The following GALNT18 variants were observed in gnomAD, a reference collection of about 807,000 sequenced individuals.
The protein encoded by GALNT18 is polypeptide N-acetylgalactosaminyltransferase 18.
GALNT18 carries 44 observed loss-of-function variants against 69.5 expected under a neutral mutation model. That is an observed-to-expected ratio of 0.63 (90% CI 0.50 to 0.81). The LOEUF (loss-of-function observed/expected upper bound fraction) is 0.81. Among genes scored for constraint, GALNT18 ranks in the 40% least tolerant of loss-of-function variants. The pLI is 0.00. For synonymous variants in GALNT18, 364 were observed against 318.2 expected, an observed-to-expected ratio of 1.14 and a Z score of -1.53; for missense variants, 715 against 810.0, an observed-to-expected ratio of 0.88 and a Z score of 1.42.
intron 6 of GALNT18, among the ~76,000 whole-genome samples, chr11:11,346,008 C>A (rs1347087043): frequency 6.6e-6 from 1 of 152,178 alleles, no homozygotes; most frequent in Non-Finnish European, 1.5e-5. Context: ...TAAGTTCTTT[C>A]TTCTCTCTGT....
At chr11:11,296,069 A>C (rs1849395756) in intron 9 of GALNT18, among the ~76,000 whole-genome samples, 1 of 152,208 alleles carries the variant, frequency 6.6e-6, no homozygotes, top group Non-Finnish European at 1.5e-5. Flanking sequence ...TTAAACAGCC[A>C]TAGAGTTAGA....
intron 1 of GALNT18, among the ~76,000 whole-genome samples, chr11:11,528,271 A>C (rs1452266471): frequency 6.6e-6 from 1 of 152,248 alleles, no homozygotes; most frequent in Non-Finnish European, 1.5e-5. Context: ...AGCACAGAGT[A>C]CTTAGGTAGA....
In GALNT18 at chr11:11,352,306, T is replaced by C. The variant is rs144109584; in HGVS notation, c.1093-11302A>G. ...CGCTTTCGAGAGTGTCTGCCCAAGA[T>C]ATCATTGAAACGTGGATCTAATTCA... On this transcript the variant is annotated intron_variant, in intron 6 of 10. Coordinates refer to ENST00000227756, the MANE Select transcript of GALNT18 (RefSeq NM_198516.3). The C allele has an allele frequency of 7.4e-5, 120 of 1,614,124 alleles. 1 individual carries two copies. The East Asian group carries it at 2.5e-3, about 33-fold the overall frequency.
intron 9 of GALNT18, among the ~76,000 whole-genome samples, chr11:11,300,417 C>T (rs141597822): frequency 0.011 from 1,737 of 152,238 alleles, 38 homozygotes; most frequent in African/African-American, 0.04. Context: ...GAGAAAACAA[C>T]GGAATTGGCC....
At chr11:11,294,621 A>C (rs1055338856) in intron 9 of GALNT18, among the ~76,000 whole-genome samples, 3 of 152,076 alleles carry the variant, frequency 2.0e-5, no homozygotes, top group East Asian at 1.9e-4. Flanking sequence ...AAAAAAAAAA[A>C]AAAACATAAA....
intron 3 of GALNT18, among the ~76,000 whole-genome samples, chr11:11,428,062 T>C (rs557330382): frequency 1.2e-4 from 19 of 152,368 alleles, no homozygotes; most frequent in African/African-American, 4.3e-4. Context: ...CATCACCCTC[T>C]TCCTTCCGTT....
At chr11:11,395,677 C>T (rs543336069) in intron 3 of GALNT18, among the ~76,000 whole-genome samples, 28 of 152,128 alleles carry the variant, frequency 1.8e-4, no homozygotes, top group East Asian at 1.9e-4. Flanking sequence ...CCCTGCAGAG[C>T]GGAGGTAATG....
rs1225550072 is a variant in GALNT18 at position 11,584,244 on chromosome 11, G to A, written c.235+37115C>T. ...CAGCAGCTGGGGACAGGAAGCTCGA[G>A]GATAGACACTGACCTATGCCAGGAA... is the stretch of plus-strand genomic sequence containing the variant. On this transcript the variant is annotated intron_variant, in intron 1 of 10. Coordinates refer to ENST00000227756, the MANE Select transcript of GALNT18 (RefSeq NM_198516.3). This position sits in a 1 kb window ranked among gnomAD's most constrained non-coding sequence, Gnocchi z 4.1. 6.6e-6 allele frequency among the ~76,000 whole-genome samples: 1 copy of A among 152,126 alleles called. No individual in the cohort carries two copies. The highest frequency in any genetic ancestry group is 2.4e-5 in the African/African-American group (1 of 41,418).
intron 6 of GALNT18, among the ~76,000 whole-genome samples, chr11:11,343,932 A>T (rs78740708): frequency 6.6e-6 from 1 of 151,918 alleles, no homozygotes; most frequent in Non-Finnish European, 1.5e-5. Context: ...CAGCACCTGA[A>T]TTCACTCCCC....
chr11:11,285,106 G>A (rs1849168159), intron 10 of GALNT18, among the ~76,000 whole-genome samples: 1 of 151,918 alleles, frequency 6.6e-6, no homozygotes, highest in Admixed American at 6.6e-5. Flanking sequence ...GTTTGCTGAG[G>A]AGGTAGGGAT....
intron 1 of GALNT18, among the ~76,000 whole-genome samples, chr11:11,609,618 G>A (rs957692559): frequency 1.3e-5 from 2 of 152,210 alleles, no homozygotes; most frequent in African/African-American, 4.8e-5. Context: ...CCAGGTCACT[G>A]TCAAACTTCC....
chr11:11,579,412 C>T (rs73413631), intron 1 of GALNT18, among the ~76,000 whole-genome samples: 7,187 of 152,212 alleles, frequency 0.047, 565 homozygotes, highest in African/African-American at 0.16. Context: ...TTTCAAATTC[C>T]GTCATTTAAT....
In GALNT18 at chr11:11,270,991, A is replaced by G. The variant is rs1848814495; in HGVS notation, c.*153T>C. The G allele has an allele frequency of 6.6e-6, 4 of 606,176 alleles. No individual in the cohort carries two copies. The highest frequency in any genetic ancestry group is 2.8e-6 in the Non-Finnish European group (1 of 362,258). The allele number at this position is 606,176 out of a possible 1,614,324, so 37.5% of individuals were successfully genotyped here. On this transcript the variant is annotated 3_prime_UTR_variant, in exon 11 of 11. Coordinates refer to ENST00000227756, the MANE Select transcript of GALNT18 (RefSeq NM_198516.3). ...CCTACCAATCAGCATCTTTCTATAA[A>G]CTCCATGAAAATTGAATAGGAAATA...
In GALNT18 at chr11:11,379,076, C is replaced by T. The variant is rs1483123344; in HGVS notation, c.779+5G>A. On this transcript the variant is annotated splice_donor_5th_base_variant and intron_variant, in intron 4 of 10. Transcript: ENST00000227756. ...ACTCCTCCTCCTCTCCCAAGGGGCA[C>T]TTACCAGCCCACATTGAACTCCACG... is the stretch of plus-strand genomic sequence containing the variant. The T allele has an allele frequency of 6.3e-7, 1 of 1,587,078 alleles. No homozygotes were observed.
chr11:11,441,360 T>C (rs1003307405), intron 2 of GALNT18, among the ~76,000 whole-genome samples: 1 of 152,176 alleles, frequency 6.6e-6, no homozygotes, highest in African/African-American at 2.4e-5. Flanking sequence ...CCCTTTGTCC[T>C]TAAGTTGCCT....
intron 9 of GALNT18, among the ~76,000 whole-genome samples, chr11:11,307,231 T>G (rs960621446): frequency 6.6e-6 from 1 of 152,182 alleles, no homozygotes; most frequent in African/African-American, 2.4e-5. Context: ...TATGGTAAAT[T>G]GTTCTGATAT....
In GALNT18 at chr11:11,451,773, C is replaced by A. The variant is rs376713889; in HGVS notation, c.236-2837G>T. Among the ~76,000 whole-genome samples the A allele has an allele frequency of 8.5e-5, 13 of 152,246 alleles. No individual in the cohort carries two copies. In the East Asian group the frequency reaches 2.1e-3, roughly 25 times the overall value. ...TCAAAATACATCAGTTAATAAGTAACCCATAGTGGTTAGACAAGATGAAAC... is the reference window on the plus strand; with the variant it reads ...TCAAAATACATCAGTTAATAAGTAAACCATAGTGGTTAGACAAGATGAAAC... On this transcript the variant is annotated intron_variant, in intron 1 of 10. Transcript: ENST00000227756.
At chr11:11,466,808 A>G (rs1856164708) in intron 1 of GALNT18, among the ~76,000 whole-genome samples, 1 of 152,152 alleles carries the variant, frequency 6.6e-6, no homozygotes. Context: ...TGGGGCAGGA[A>G]TGAGCGGGAA....
chr11:11,453,992 C>A (rs1855867857), intron 1 of GALNT18, among the ~76,000 whole-genome samples: 1 of 152,202 alleles, frequency 6.6e-6, no homozygotes, highest in Non-Finnish European at 1.5e-5. Context: ...TCTGTTGAGT[C>A]CCTCAGACTC....
Sources: allele counts gnomAD v4.1 joint callset (sites outside exome capture counted in the v4.1 genomes callset), GRCh38; gene constraint gnomAD v4.1.1; non-coding constraint Gnocchi (gnomAD v3.1); transcripts MANE v1.5; gene names NCBI Gene and HGNC (gene_info 2026-07-23, HGNC 2026-07-21).